The following WDR72 variants were observed in gnomAD, a reference collection of about 807,000 sequenced individuals.
WDR72 encodes WD repeat domain 72, also known as WD repeat-containing protein 72.
A neutral mutation model predicts 124.2 loss-of-function variants in WDR72; 120 were observed. That is an observed-to-expected ratio of 0.97 (90% confidence interval 0.83 to 1.12). The LOEUF (loss-of-function observed/expected upper bound fraction) is 1.12. Ranked by LOEUF, WDR72 falls within the 50% of genes most tolerant of loss-of-function variation. The pLI, the probability that WDR72 is intolerant of heterozygous loss-of-function variation, is 0.00. For synonymous variants in WDR72, 452 were observed against 441.7 expected (o/e 1.02, Z -0.29); for missense variants, 1,387 against 1,278.8 (o/e 1.08, Z -1.29).
At chr15:53,536,133 A>G (rs977626849) in intron 18 of WDR72, among the ~76,000 whole-genome samples, 3 of 152,166 alleles carry the variant, frequency 2.0e-5, no homozygotes, top group African/African-American at 7.2e-5. Flanking sequence ...CTGAGCATTA[A>G]GCGTGTCTGC....
chr15:53,718,003 A>G (rs1402912557), intron 3 of WDR72, among the ~76,000 whole-genome samples: 1 of 152,202 alleles, frequency 6.6e-6, no homozygotes, highest in Non-Finnish European at 1.5e-5. Flanking sequence ...CTAATAATGC[A>G]TCTATAAAAT....
chr15:53,707,065 A>T lies in WDR72; in HGVS notation c.955-991T>A, dbSNP rs141427821. ...ATCAAAATCATTTAAGCGATTACAA[A>T]AACAAAACCCAAACTCTCTTTGGCG... On this transcript the variant is annotated intron_variant, in intron 9 of 19. Transcript: ENST00000360509. Among the ~76,000 whole-genome samples the T allele has an allele frequency of 3.5e-4, 54 of 152,278 alleles. No individual in the cohort carries two copies. The East Asian group carries it at 9.8e-3, about 28-fold the overall frequency.
chr15:53,701,559 T>TCTCTCTCTCA (rs369568228), intron 12 of WDR72, among the ~76,000 whole-genome samples: 2,284 of 120,102 alleles, frequency 0.019, 38 homozygotes, highest in African/African-American at 0.042. Context: ...TCTCTCTCTC[T>TCTCTCTCTCA]CACACACACA....
At chr15:53,545,404 C>A (rs1893395262) in intron 18 of WDR72, among the ~76,000 whole-genome samples, 1 of 149,830 alleles carries the variant, frequency 6.7e-6, no homozygotes, top group Non-Finnish European at 1.5e-5. Context: ...GAAAAACAAG[C>A]AATGGGGAAA....
intron 14 of WDR72, among the ~76,000 whole-genome samples, chr15:53,660,744 G>A (rs539263115): frequency 1.3e-5 from 2 of 152,172 alleles, no homozygotes; most frequent in Admixed American, 6.5e-5. Context: ...TAAGTTGGGA[G>A]CCATTACTTA....
Position 53,619,824 on chromosome 15 carries a change from T to A in WDR72, c.1963-3581A>T, listed in dbSNP as rs79921497. Among the ~76,000 whole-genome samples the A allele has an allele frequency of 2.5e-3, 387 of 152,224 alleles. 6 individuals carry two copies. Among genetic ancestry groups the A allele is most frequent in the African/African-American group, 8.9e-3 (370 of 41,562 alleles). Reference sequence around the variant, plus strand: ...TCTAAGAATTTCTGTAAATTTCTTGTTAATTCTAATATGCATTATTTTCAA... The same window carrying A: ...TCTAAGAATTTCTGTAAATTTCTTGATAATTCTAATATGCATTATTTTCAA... On this transcript the variant is annotated intron_variant, in intron 14 of 19. Coordinates refer to ENST00000360509, the MANE Select transcript of WDR72 (RefSeq NM_182758.4).
At chr15:53,714,335 GA>G in intron 6 of WDR72, 98 bp downstream of exon 6, 2 of 963,880 alleles carry the variant, frequency 2.1e-6, no homozygotes, top group South Asian at 2.7e-5. Flanking sequence ...TATGTTATTT[GA>G]ACTTTTGACA....
chr15:53,731,465 A>G (rs1482667760), intron 2 of WDR72, among the ~76,000 whole-genome samples: 1 of 151,960 alleles, frequency 6.6e-6, no homozygotes, highest in African/African-American at 2.4e-5. Context: ...TGTCATGTGC[A>G]CTATATGACC....
chr15:53,527,056 ATTT>A (rs1416289633), intron 18 of WDR72, among the ~76,000 whole-genome samples: 1 of 152,128 alleles, frequency 6.6e-6, no homozygotes, highest in African/African-American at 2.4e-5. Context: ...ACTATGGTGC[ATTT>A]AACTATTAGT....
chr15:53,543,239 T>G (rs1189958010), intron 18 of WDR72, among the ~76,000 whole-genome samples: 1 of 148,890 alleles, frequency 6.7e-6, no homozygotes, highest in Non-Finnish European at 1.5e-5. Context: ...ACCACATACT[T>G]GGAAGTAAAG....
intron 2 of WDR72, among the ~76,000 whole-genome samples, chr15:53,732,401 T>C (rs1423698687): frequency 6.6e-6 from 1 of 152,168 alleles, no homozygotes; most frequent in African/African-American, 2.4e-5. Flanking sequence ...TTCTGATACG[T>C]TAAATGTTTA....
intron 14 of WDR72, among the ~76,000 whole-genome samples, chr15:53,642,558 TC>T (rs1284551171): frequency 1.3e-5 from 2 of 152,028 alleles, no homozygotes; most frequent in African/African-American, 4.8e-5. Flanking sequence ...TTCTTTATTA[TC>T]CATAAATGTC....
Position 53,710,972 on chromosome 15 carries a change from A to G in WDR72, c.858-19T>C. ...AAGCCCACTGCGTGGCAAAAATAAA[A>G]AGCAAAGTTTAGAACTTTGAGGTTC... On this transcript the variant is annotated intron_variant, in intron 8 of 19. Coordinates refer to ENST00000360509, the MANE Select transcript of WDR72 (RefSeq NM_182758.4). 6.2e-7 allele frequency: 1 copy of G among 1,605,930 alleles called. No homozygotes were observed. The highest frequency in any genetic ancestry group is 8.5e-7 in the Non-Finnish European group (1 of 1,174,092).
chr15:53,580,531 T>A (rs370858718), intron 18 of WDR72, among the ~76,000 whole-genome samples: 34 of 152,146 alleles, frequency 2.2e-4, no homozygotes, highest in East Asian at 2.1e-3. Flanking sequence ...CTGCAGCTAC[T>A]TCCTGGAATT....
intron 13 of WDR72, among the ~76,000 whole-genome samples, chr15:53,680,811 T>C (rs925650328): frequency 1.3e-5 from 2 of 152,172 alleles, no homozygotes; most frequent in Admixed American, 6.5e-5. Flanking sequence ...CTTTGTCTAC[T>C]CAGCATATGG....
chr15:53,740,370 C>G (rs1223895689), intron 1 of WDR72, among the ~76,000 whole-genome samples: 1 of 149,676 alleles, frequency 6.7e-6, no homozygotes, highest in African/African-American at 2.5e-5. Flanking sequence ...TGCAGTGGCG[C>G]GATCTCAGCT....
At chr15:53,719,517 A>G (rs2017812912) in intron 3 of WDR72, among the ~76,000 whole-genome samples, 1 of 152,162 alleles carries the variant, frequency 6.6e-6, no homozygotes, top group African/African-American at 2.4e-5. Context: ...GACTTTCAGG[A>G]GATCACACAC....
chr15:53,522,633 T>C (rs997809886), intron 19 of WDR72, among the ~76,000 whole-genome samples: 1 of 152,100 alleles, frequency 6.6e-6, no homozygotes, highest in African/African-American at 2.4e-5. Context: ...ATTTCTCTTT[T>C]ATTTCTATAA....
intron 17 of WDR72, among the ~76,000 whole-genome samples, chr15:53,600,536 T>C (rs1449129977): frequency 6.6e-6 from 1 of 152,162 alleles, no homozygotes; most frequent in Non-Finnish European, 1.5e-5. Flanking sequence ...GGACATATGC[T>C]TATTAACTAA....
Sources: gnomAD v4.1 joint callset for allele counts (sites outside exome capture counted in the v4.1 genomes callset) on GRCh38, gnomAD v4.1.1 for gene constraint, MANE v1.5 for transcripts, NCBI Gene and HGNC (gene_info 2026-07-23, HGNC 2026-07-21) for gene names.